The following AUTS2 variants were observed in gnomAD, a reference collection of about 807,000 sequenced individuals.
AUTS2 encodes the protein autism susceptibility gene 2 protein.
AUTS2 carries 17 observed loss-of-function variants against 112.4 expected under a neutral mutation model. That is an observed-to-expected ratio of 0.15 (90% CI 0.10 to 0.23). The LOEUF (loss-of-function observed/expected upper bound fraction) is 0.23. Ranked by LOEUF, AUTS2 falls within the 10% of genes least tolerant of loss-of-function variation. AUTS2 has a pLI of 1.00. For synonymous variants in AUTS2, 751 were observed against 702.7 expected (o/e 1.07, Z -1.09); for missense variants, 1,510 against 1,701.6 (o/e 0.89, Z 1.98).
chr7:70,479,529 G>A (rs958842480), intron 5 of AUTS2, among the ~76,000 whole-genome samples: 3 of 152,196 alleles, frequency 2.0e-5, no homozygotes, highest in Admixed American at 1.3e-4. Flanking sequence ...ACACCGTGGA[G>A]CAGACGTTAC....
At position 70,739,495 on chromosome 7, in the gene AUTS2, T is replaced by TA. The variant is rs34197082; in HGVS notation, c.743-23366dup. Among the ~76,000 whole-genome samples the TA allele has an allele frequency of 4.6e-5, 7 of 151,020 alleles. No individual in the cohort carries two copies. The East Asian group carries it at 7.8e-4, about 17-fold the overall frequency. ...GTGCCCAGTCACATTTTTTATCTGT[T>TA]AAAAAAAAACAAAAACCAAGTTTGG... On this transcript the variant is annotated intron_variant, in intron 6 of 18. Transcript: ENST00000342771.
At chr7:70,649,581 T>A (rs1806380391) in intron 5 of AUTS2, among the ~76,000 whole-genome samples, 2 of 151,874 alleles carry the variant, frequency 1.3e-5, no homozygotes, top group Non-Finnish European at 2.9e-5. Context: ...CGGGCTGGAG[T>A]GCAGTAGTGC....
At chr7:69,709,593 C>T (rs537759216) in intron 1 of AUTS2, among the ~76,000 whole-genome samples, 1 of 152,282 alleles carries the variant, frequency 6.6e-6, no homozygotes, top group South Asian at 2.1e-4. Flanking sequence ...TGGAAATAAG[C>T]ACATTTCTGA....
chr7:70,687,287 G>T lies in AUTS2; in HGVS notation c.691-11282G>T, dbSNP rs191659165. On this transcript the variant is annotated intron_variant, in intron 5 of 18. Transcript: ENST00000342771. ...AGCCATGACCAGGGGAGGCAGAGAG[G>T]CCTCACAGTTCTCATCACATGCACT... Among the ~76,000 whole-genome samples the T allele has an allele frequency of 5.9e-5, 9 of 152,266 alleles. No individual in the cohort carries two copies. The East Asian group carries it at 1.4e-3, about 23-fold the overall frequency.
chr7:70,625,966 G>A (rs975675412), intron 5 of AUTS2, among the ~76,000 whole-genome samples: 31 of 151,986 alleles, frequency 2.0e-4, no homozygotes, highest in Non-Finnish European at 4.4e-4. Flanking sequence ...AGGCTGGAGT[G>A]CAGTGATGCA....
intron 1 of AUTS2, among the ~76,000 whole-genome samples, chr7:69,757,668 T>A (rs1161528656): frequency 6.6e-6 from 1 of 152,192 alleles, no homozygotes; most frequent in Admixed American, 6.5e-5. Flanking sequence ...TACCCCCTCC[T>A]TGTTATTACT....
intron 2 of AUTS2, among the ~76,000 whole-genome samples, chr7:70,100,069 A>C (rs1470342608): frequency 6.6e-6 from 1 of 152,134 alleles, no homozygotes. Flanking sequence ...GCTTTTAGAG[A>C]TTCCTTAACG....
chr7:70,473,758 G>A (rs1415649491), intron 5 of AUTS2, among the ~76,000 whole-genome samples: 1 of 148,964 alleles, frequency 6.7e-6, no homozygotes, highest in Non-Finnish European at 1.5e-5. Context: ...CCCAGATGAT[G>A]CTTTTTAAGG....
At chr7:70,616,733 T>C (rs568598193) in intron 5 of AUTS2, among the ~76,000 whole-genome samples, 28 of 148,878 alleles carry the variant, frequency 1.9e-4, no homozygotes, top group African/African-American at 6.9e-4. Flanking sequence ...GAAATTCTTC[T>C]CAAAATAGAG....
At chr7:70,353,457 G>C (rs980818730) in intron 4 of AUTS2, among the ~76,000 whole-genome samples, 1 of 151,990 alleles carries the variant, frequency 6.6e-6, no homozygotes, top group Non-Finnish European at 1.5e-5. Context: ...TATCACACAG[G>C]AGACCTTTCT....
chr7:70,523,605 G>A (rs968264652), intron 5 of AUTS2, among the ~76,000 whole-genome samples: 2 of 152,140 alleles, frequency 1.3e-5, no homozygotes, highest in African/African-American at 2.4e-5. Context: ...GTTTGGGGGC[G>A]TCTAGGGGTC....
At chr7:70,734,256 A>G (rs1009976725) in intron 6 of AUTS2, among the ~76,000 whole-genome samples, 5 of 151,890 alleles carry the variant, frequency 3.3e-5, no homozygotes, top group East Asian at 3.9e-4. Flanking sequence ...TGGCTAACAC[A>G]GTGAAACCCC....
intron 6 of AUTS2, among the ~76,000 whole-genome samples, chr7:70,753,881 G>A (rs528178669): frequency 2.3e-4 from 35 of 152,378 alleles, no homozygotes; most frequent in East Asian, 1.2e-3. Context: ...CATTGGCCGG[G>A]CGTGGTGGCT....
chr7:70,303,420 A>ACG (rs1562865069), intron 4 of AUTS2, among the ~76,000 whole-genome samples: 2 of 129,872 alleles, frequency 1.5e-5, no homozygotes, highest in Non-Finnish European at 1.6e-5. Flanking sequence ...ACGCACACAC[A>ACG]CACGCGCGCG....
At chr7:70,057,977 G>A (rs1042849182) in intron 2 of AUTS2, among the ~76,000 whole-genome samples, 1 of 152,060 alleles carries the variant, frequency 6.6e-6, no homozygotes, top group Admixed American at 6.6e-5. Context: ...ATGGTAAGGG[G>A]GTGATATATC....
chr7:70,143,457 G>A (rs990011776), intron 4 of AUTS2, among the ~76,000 whole-genome samples: 12 of 152,206 alleles, frequency 7.9e-5, no homozygotes, highest in Admixed American at 7.9e-4. Context: ...GACCAGCGCA[G>A]TAACACAAGG....
intron 4 of AUTS2, among the ~76,000 whole-genome samples, chr7:70,212,572 T>A (rs1002346715): frequency 6.6e-6 from 1 of 152,138 alleles, no homozygotes; most frequent in East Asian, 1.9e-4. Context: ...TTACAAAAAA[T>A]TTTAGTTCCT....
intron 4 of AUTS2, among the ~76,000 whole-genome samples, chr7:70,145,876 G>A (rs867734551): frequency 3.9e-5 from 6 of 152,050 alleles, no homozygotes; most frequent in Middle Eastern, 3.2e-3. Context: ...CTATGGGTAC[G>A]TTGTTAACAC....
At chr7:69,777,047 C>T (rs989882487) in intron 1 of AUTS2, among the ~76,000 whole-genome samples, 1 of 152,186 alleles carries the variant, frequency 6.6e-6, no homozygotes, top group South Asian at 2.1e-4. Context: ...TAACCCACTA[C>T]CTTTAATTGT....
Sources: allele counts gnomAD v4.1 joint callset (sites outside exome capture counted in the v4.1 genomes callset), GRCh38; gene constraint gnomAD v4.1.1; transcripts MANE v1.5; gene names NCBI Gene and HGNC (gene_info 2026-07-23, HGNC 2026-07-21).